The following BABAM2 variants were observed in gnomAD, a reference collection of about 807,000 sequenced individuals.
BABAM2 encodes BRISC and BRCA1 A complex member 2.
Under a neutral mutation model 54.7 loss-of-function variants are expected in BABAM2, and 31 were observed. That is an observed-to-expected ratio of 0.57 (90% CI 0.43 to 0.77). The LOEUF (loss-of-function observed/expected upper bound fraction) is 0.77, where lower values mean the gene tolerates loss of function less well. BABAM2 is among the 30% of genes least tolerant of loss of function. BABAM2 has a pLI of 0.00. For synonymous variants in BABAM2, 167 were observed against 162.9 expected (o/e 1.03, Z -0.19); for missense variants, 364 against 455.8 (o/e 0.80, Z 1.83).
At chr2:28,015,038 C>G (rs1674698349) in intron 4 of BABAM2, among the ~76,000 whole-genome samples, 1 of 152,132 alleles carries the variant, frequency 6.6e-6, no homozygotes, top group South Asian at 2.1e-4. Flanking sequence ...AATCCCAGAG[C>G]TTTTGGGTCT....
At chr2:28,281,357 A>G (rs567810546) in intron 10 of BABAM2, among the ~76,000 whole-genome samples, 2 of 152,358 alleles carry the variant, frequency 1.3e-5, no homozygotes, top group African/African-American at 4.8e-5. Flanking sequence ...ATTGGTATTT[A>G]GGATTAACCA....
chr2:27,940,318 C>G (rs899914090), intron 3 of BABAM2, among the ~76,000 whole-genome samples: 3 of 152,176 alleles, frequency 2.0e-5, no homozygotes, highest in Non-Finnish European at 4.4e-5. Context: ...GCAATTAACT[C>G]TAGAAGAAAT....
At chr2:28,200,608 C>T (rs553997377) in intron 7 of BABAM2, among the ~76,000 whole-genome samples, 1 of 152,308 alleles carries the variant, frequency 6.6e-6, no homozygotes, top group African/African-American at 2.4e-5. Flanking sequence ...AAATAACTTT[C>T]TCTTGCTCCC....
intron 7 of BABAM2, among the ~76,000 whole-genome samples, chr2:28,151,537 T>C (rs959948773): frequency 1.3e-5 from 2 of 152,004 alleles, no homozygotes; most frequent in South Asian, 2.1e-4. Context: ...ATCGCGCCAT[T>C]GCACTCCAGC....
chr2:28,049,859 A>G (rs1234553544), intron 6 of BABAM2, among the ~76,000 whole-genome samples: 1 of 152,204 alleles, frequency 6.6e-6, no homozygotes, highest in Non-Finnish European at 1.5e-5. Context: ...GAGAGCATCT[A>G]GGTGTGCTGA....
At chr2:28,291,934 G>A (rs1412652540) in intron 10 of BABAM2, among the ~76,000 whole-genome samples, 2 of 152,226 alleles carry the variant, frequency 1.3e-5, no homozygotes, top group Admixed American at 6.5e-5. Context: ...GGGATAGCCT[G>A]GGAATGAAAA....
rs753347101 is a variant in BABAM2 at position 28,322,089 on chromosome 2, A to T, written c.1089-16361A>T. The stretch of plus-strand genomic sequence containing the variant: ...CAGTCATTCAACAGAAAATTAGGGT[A>T]CTTCTGTGTCACTGAGGTGCAGCCC... On this transcript the variant is annotated intron_variant, in intron 11 of 11. Coordinates refer to ENST00000379624, the MANE Select transcript of BABAM2 (RefSeq NM_199191.3). The surrounding 1 kb of genome is among the most constrained non-coding windows in gnomAD (Gnocchi z 4.1). 2.0e-5 allele frequency among the ~76,000 whole-genome samples: 3 copies of T among 152,140 alleles called. No homozygotes were observed. Among genetic ancestry groups the T allele is most frequent in the Non-Finnish European group, 2.9e-5 (2 of 68,024 alleles).
At chr2:28,163,899 A>G (rs1282616201) in intron 7 of BABAM2, among the ~76,000 whole-genome samples, 1 of 152,202 alleles carries the variant, frequency 6.6e-6, no homozygotes, top group Non-Finnish European at 1.5e-5. Flanking sequence ...ACATTGCTAG[A>G]TCATTTCCAT....
intron 11 of BABAM2, among the ~76,000 whole-genome samples, chr2:28,334,649 C>T (rs994871558): frequency 6.6e-6 from 1 of 152,222 alleles, no homozygotes; most frequent in African/African-American, 2.4e-5. Context: ...AGCGGGGCCA[C>T]AAGGCTCTCT....
intron 10 of BABAM2, among the ~76,000 whole-genome samples, chr2:28,268,679 C>A (rs1026692849): frequency 1.3e-4 from 20 of 152,128 alleles, no homozygotes; most frequent in African/African-American, 4.8e-4. Context: ...TGGAGTTGAC[C>A]CACACTGGGG....
At chr2:28,125,259 A>C (rs1669410234) in intron 6 of BABAM2, among the ~76,000 whole-genome samples, 2 of 152,030 alleles carry the variant, frequency 1.3e-5, no homozygotes, top group Non-Finnish European at 2.9e-5. Context: ...AATTGTTGCA[A>C]ATATTTTTTT....
chr2:27,956,159 C>T (rs893646743), intron 3 of BABAM2, among the ~76,000 whole-genome samples: 5 of 152,056 alleles, frequency 3.3e-5, no homozygotes, highest in African/African-American at 9.7e-5. Context: ...TTACGAAAAC[C>T]ATATCTTCTG....
chr2:28,087,388 A>G (rs1665750051), intron 6 of BABAM2, among the ~76,000 whole-genome samples: 1 of 152,168 alleles, frequency 6.6e-6, no homozygotes, highest in Admixed American at 6.5e-5. Flanking sequence ...ATGTGGATAG[A>G]GACAGGAGCT....
At chr2:28,294,299 G>A (rs1355614366) in intron 10 of BABAM2, among the ~76,000 whole-genome samples, 1 of 151,638 alleles carries the variant, frequency 6.6e-6, no homozygotes, top group African/African-American at 2.4e-5. Flanking sequence ...AGAACCACTT[G>A]AACCTGGGAG....
intron 5 of BABAM2, among the ~76,000 whole-genome samples, chr2:28,033,940 C>G (rs1463293566): frequency 1.3e-5 from 2 of 151,884 alleles, no homozygotes; most frequent in African/African-American, 4.8e-5. Context: ...ATGATTTATG[C>G]TTTTATAATG....
chr2:27,964,185 C>G (rs1440296142), intron 3 of BABAM2, among the ~76,000 whole-genome samples: 1 of 152,138 alleles, frequency 6.6e-6, no homozygotes, highest in Non-Finnish European at 1.5e-5. Flanking sequence ...GCCCTTTTCC[C>G]TTCTCATGTA....
chr2:27,970,403 T>C (rs992306440), intron 3 of BABAM2, among the ~76,000 whole-genome samples: 1 of 152,214 alleles, frequency 6.6e-6, no homozygotes, highest in African/African-American at 2.4e-5. Context: ...TTATTTAATC[T>C]ATCAGTTGTT....
chr2:27,930,227 G>T, intron 3 of BABAM2: 1 of 204,602 alleles, frequency 4.9e-6, no homozygotes, highest in Non-Finnish European at 9.9e-6. Flanking sequence ...AGAATACCTG[G>T]CCATTTCGAA....
intron 6 of BABAM2, among the ~76,000 whole-genome samples, chr2:28,082,566 T>G (rs922975935): frequency 3.9e-5 from 6 of 152,166 alleles, no homozygotes; most frequent in Non-Finnish European, 7.4e-5. Context: ...GAGGATGAAA[T>G]AAAATAATGC....
Sources: allele counts gnomAD v4.1 joint callset (sites outside exome capture counted in the v4.1 genomes callset), GRCh38; gene constraint gnomAD v4.1.1; non-coding constraint Gnocchi (gnomAD v3.1); transcripts MANE v1.5; gene names NCBI Gene and HGNC (gene_info 2026-07-23, HGNC 2026-07-21).